The following CAST variants were observed in gnomAD, a reference collection of about 807,000 sequenced individuals.
CAST encodes calpastatin.
A neutral mutation model predicts 119.6 loss-of-function variants in CAST; 76 were observed. That is an observed-to-expected ratio of 0.64 (90% CI 0.53 to 0.77). CAST has a LOEUF of 0.77. CAST is among the 30% of genes least tolerant of loss of function. The pLI is 0.00. For synonymous variants in CAST, 319 were observed against 331.6 expected (o/e 0.96, Z 0.41); for missense variants, 953 against 946.5 (o/e 1.01, Z -0.09).
chr5:96,216,759 T>C, the CAST span, among the ~76,000 whole-genome samples: 1 of 152,222 alleles, frequency 6.6e-6, no homozygotes, highest in Non-Finnish European at 1.5e-5. Context: ...GACAGTTGCT[T>C]TTCTGGAAGT....
the CAST span, among the ~76,000 whole-genome samples, chr5:96,201,726 C>A: frequency 6.6e-6 from 1 of 151,982 alleles, no homozygotes; most frequent in South Asian, 2.1e-4. Context: ...GTTCTGACTG[C>A]TCGGTGTTCA....
At chr5:96,604,584 C>T (rs74673023) in intron 1 of CAST, among the ~76,000 whole-genome samples, 2,112 of 152,080 alleles carry the variant, frequency 0.014, 41 homozygotes, top group African/African-American at 0.049. Context: ...ATTCCAGGTA[C>T]GGGGATAGGG....
At chr5:95,974,248 A>C in the CAST span, among the ~76,000 whole-genome samples, 1 of 152,158 alleles carries the variant, frequency 6.6e-6, no homozygotes, top group Middle Eastern at 3.2e-3. Flanking sequence ...CATCCCACTT[A>C]AGATTTCTGC....
chr5:96,765,316 TA>T lies in CAST; in HGVS notation c.2031del (p.Val678Ter). 1.2e-6 allele frequency: 1 copy of T among 830,212 alleles called. No homozygotes were observed. The highest frequency in any genetic ancestry group is 1.6e-6 in the Non-Finnish European group (1 of 606,998). 51.4% of individuals were successfully genotyped at this position (830,212 alleles called of 1,614,324 possible). On this transcript the variant is annotated frameshift_variant, in exon 26 of 32. Coordinates refer to ENST00000675179, the MANE Select transcript of CAST (RefSeq NM_001750.7). LOFTEE classifies it high-confidence loss of function. ...DPDENKPMED[K>X]VKEKAKAEHR... ...CAGATGAGAACAAACCAATGGAAGA[TA>T]AAGTAAAGGTAAAAAAAAAAAAAAA...
At chr5:96,120,154 GTGTT>G in the CAST span, among the ~76,000 whole-genome samples, 2 of 152,062 alleles carry the variant, frequency 1.3e-5, no homozygotes, top group Admixed American at 1.3e-4. Context: ...TCCTTTTGGG[GTGTT>G]ATCTCTCTCC....
chr5:96,592,578 A>C (rs1746982049), intron 1 of CAST, among the ~76,000 whole-genome samples: 1 of 152,156 alleles, frequency 6.6e-6, no homozygotes, highest in African/African-American at 2.4e-5. Context: ...TAGCATAGCA[A>C]TGACTTTAAG....
At chr5:96,506,783 G>A in the CAST span, among the ~76,000 whole-genome samples, 4,955 of 152,238 alleles carry the variant, frequency 0.033, 131 homozygotes, top group East Asian at 0.13. Flanking sequence ...ATGCAGATAC[G>A]TCTAAGAACA....
At chr5:96,603,759 C>CTTTTTTTTTTTTTTTTTTTTTTTTTTTTT (rs70981832) in intron 1 of CAST, among the ~76,000 whole-genome samples, 1 of 79,498 alleles carries the variant, frequency 1.3e-5, no homozygotes. Flanking sequence ...GTGCTGTACT[C>CTTTTTTTTTTTTTTTTTTTTTTTTTTTTT]TTTTTTTTTT....
the CAST span, among the ~76,000 whole-genome samples, chr5:96,497,807 A>T: frequency 6.6e-6 from 1 of 152,198 alleles, no homozygotes; most frequent in Admixed American, 6.5e-5. Flanking sequence ...CCCCTTCTGC[A>T]GGTTGCCTGT....
chr5:96,138,730 GTAT>G, the CAST span, among the ~76,000 whole-genome samples: 60 of 151,654 alleles, frequency 4.0e-4, no homozygotes, highest in African/African-American at 1.4e-3. Context: ...ATTTTAAATG[GTAT>G]TATTTTTTAA....
chr5:96,662,963 G>C, intron 1 of CAST: 1 of 601,750 alleles, frequency 1.7e-6, no homozygotes, highest in Non-Finnish European at 2.9e-6. Context: ...GGCGGGGCCT[G>C]CGCCGGGCCC....
the CAST span, among the ~76,000 whole-genome samples, chr5:95,963,725 C>CTCTTTTTTTTTTTTTTTTTTTTTTTTT: frequency 7.7e-6 from 1 of 129,992 alleles, no homozygotes; most frequent in African/African-American, 3.0e-5. Context: ...TTCTCTCTCT[C>CTCTTTTTTTTTTTTTTTTTTTTTTTTT]TTTTTTTTTT....
intron 1 of CAST, among the ~76,000 whole-genome samples, chr5:96,603,754 G>A (rs1292034112): frequency 7.1e-6 from 1 of 141,002 alleles, no homozygotes; most frequent in Non-Finnish European, 1.5e-5. Context: ...TGTATGTGCT[G>A]TACTCTTTTT....
At position 96,754,634 on chromosome 5, in the gene CAST, T is replaced by G. The variant is rs779840089; in HGVS notation, c.1627-24T>G. On this transcript the variant is annotated intron_variant, in intron 21 of 31. Transcript: ENST00000675179. ...TGGAGAGAAAAAAACATGCTAACAATGAAAATGGTATAATTTTTCTCAGGA... is the reference window on the plus strand; with the variant it reads ...TGGAGAGAAAAAAACATGCTAACAAGGAAAATGGTATAATTTTTCTCAGGA... 3.5e-6 allele frequency: 5 copies of G among 1,426,906 alleles called. No homozygotes were observed. The Admixed American group carries it at 5.6e-5, about 16-fold the overall frequency. 88.4% of individuals were successfully genotyped at this position (1,426,906 alleles called of 1,614,324 possible).
the CAST span, among the ~76,000 whole-genome samples, chr5:96,352,227 A>G: frequency 6.6e-6 from 1 of 152,186 alleles, no homozygotes; most frequent in East Asian, 1.9e-4. Flanking sequence ...TGTGTTCTTC[A>G]AAGTGAAATG....
chr5:96,272,157 G>T, the CAST span, among the ~76,000 whole-genome samples: 4 of 152,270 alleles, frequency 2.6e-5, no homozygotes, highest in African/African-American at 9.6e-5. Flanking sequence ...GACATTGTTG[G>T]TGGGAATGTG....
chr5:96,604,577 C>G (rs1051984710), intron 1 of CAST, among the ~76,000 whole-genome samples: 15 of 152,096 alleles, frequency 9.9e-5, no homozygotes, highest in Non-Finnish European at 1.9e-4. Flanking sequence ...AAAAGTAATT[C>G]CAGGTACGGG....
the CAST span, among the ~76,000 whole-genome samples, chr5:96,464,576 G>A: frequency 1.3e-5 from 2 of 152,150 alleles, no homozygotes; most frequent in South Asian, 4.1e-4. Context: ...ATATTACATG[G>A]CTTTGAGCCA....
At chr5:96,294,210 G>C in the CAST span, among the ~76,000 whole-genome samples, 1 of 152,116 alleles carries the variant, frequency 6.6e-6, no homozygotes, top group Non-Finnish European at 1.5e-5. Flanking sequence ...GCATTGACTT[G>C]GGCTGTCTTT....
Sources: gnomAD v4.1 joint callset for allele counts (sites outside exome capture counted in the v4.1 genomes callset) on GRCh38, gnomAD v4.1.1 for gene constraint, MANE v1.5 for transcripts, NCBI Gene and HGNC (gene_info 2026-07-23, HGNC 2026-07-21) for gene names.